Variants in DGKB observed in about 807,000 individuals in gnomAD.
DGKB encodes 90 kDa diacylglycerol kinase.
A neutral mutation model predicts 114.3 loss-of-function variants in DGKB; 67 were observed. The ratio of observed to expected loss-of-function variants is 0.59; its 90% CI spans 0.48 to 0.72. DGKB has a LOEUF of 0.72. Ranked by LOEUF, DGKB falls within the 30% of genes least tolerant of loss-of-function variation. The probability of loss-of-function intolerance (pLI) is 0.00; values close to 1 mark genes in which losing one functional copy is unlikely to be tolerated. For synonymous variants in DGKB, 398 were observed against 323.1 expected (o/e 1.23, Z -2.49); for missense variants, 907 against 975.2 (o/e 0.93, Z 0.93).
chr7:14,850,026 C>G (rs147152320), intron 1 of DGKB, among the ~76,000 whole-genome samples: 1 of 152,064 alleles, frequency 6.6e-6, no homozygotes. Context: ...CCCCTAAAAA[C>G]AAGTGAAAGA....
chr7:14,248,784 C>T (rs1794818024), intron 23 of DGKB, among the ~76,000 whole-genome samples: 1 of 152,110 alleles, frequency 6.6e-6, no homozygotes, highest in African/African-American at 2.4e-5. Context: ...ATGTCGTCTG[C>T]AAAGATACCA....
Position 14,248,297 on chromosome 7 carries a change from A to G in DGKB, c.2123-70146T>C, listed in dbSNP as rs143015460. 5.3e-5 allele frequency among the ~76,000 whole-genome samples: 8 copies of G among 152,132 alleles called. No individual in the cohort carries two copies. In the South Asian group the frequency reaches 1.4e-3, roughly 28 times the overall value. ...AGTAGTGTGATACATCAATGCCTCA[A>G]TATTCTACTTGTACAAGATTGCTTT... On this transcript the variant is annotated intron_variant, in intron 23 of 25. Coordinates refer to ENST00000402815, the MANE Select transcript of DGKB (RefSeq NM_001350709.2).
chr7:14,683,825 A>G (rs1042579566), intron 10 of DGKB, among the ~76,000 whole-genome samples: 1 of 151,936 alleles, frequency 6.6e-6, no homozygotes, highest in Non-Finnish European at 1.5e-5. Context: ...GGGAGAAAAC[A>G]TGTTTTCTCT....
intron 20 of DGKB, among the ~76,000 whole-genome samples, chr7:14,530,036 A>C (rs2128590015): frequency 6.6e-6 from 1 of 151,822 alleles, no homozygotes; most frequent in South Asian, 2.1e-4. Flanking sequence ...ATCAGGATCG[A>C]TTAATTCATG....
chr7:14,347,902 G>A (rs1241700272), intron 21 of DGKB, among the ~76,000 whole-genome samples: 1 of 151,952 alleles, frequency 6.6e-6, no homozygotes, highest in Non-Finnish European at 1.5e-5. Flanking sequence ...TTAAAAATTT[G>A]TAAATTATAC....
At chr7:14,607,994 A>G (rs17168300) in intron 16 of DGKB, among the ~76,000 whole-genome samples, 4,132 of 152,114 alleles carry the variant, frequency 0.027, 177 homozygotes, top group African/African-American at 0.095. Flanking sequence ...ACATGTAAGC[A>G]AAGAATGTAG....
chr7:14,416,007 T>C (rs1046074060), intron 21 of DGKB, among the ~76,000 whole-genome samples: 1 of 152,180 alleles, frequency 6.6e-6, no homozygotes, highest in Non-Finnish European at 1.5e-5. Context: ...TGATTTGCAT[T>C]TCTCTGATGG....
rs1793948225 is a variant in DGKB at position 14,544,334 on chromosome 7, C to T, written c.1770+29878G>A. On this transcript the variant is annotated intron_variant, in intron 20 of 25. Coordinates refer to ENST00000402815, the MANE Select transcript of DGKB (RefSeq NM_001350709.2). ...GTGAATTTCTCTGACATTTTGTTTG[C>T]AGATTCTTAGTAGAAAAGTAGTGGT... Among the ~76,000 whole-genome samples, 3 of 152,128 alleles carry T rather than the reference C, an allele frequency of 2.0e-5. 1 individual carries two copies. Among genetic ancestry groups the T allele is most frequent in the Admixed American group, 2.0e-4 (3 of 15,266 alleles).
chr7:14,602,517 G>A (rs540417250), intron 17 of DGKB, among the ~76,000 whole-genome samples: 1 of 152,094 alleles, frequency 6.6e-6, no homozygotes, highest in African/African-American at 2.4e-5. Context: ...AGGACTCTAC[G>A]CTTACGAATG....
chr7:14,215,568 C>T (rs185197064), intron 23 of DGKB, among the ~76,000 whole-genome samples: 22 of 152,130 alleles, frequency 1.4e-4, no homozygotes, highest in East Asian at 3.9e-4. Context: ...ATGTTTTACA[C>T]GTTTTATCTC....
chr7:14,941,731 C>T (rs760748146), intron 1 of DGKB, among the ~76,000 whole-genome samples: 1 of 151,870 alleles, frequency 6.6e-6, no homozygotes, highest in Admixed American at 6.6e-5. Context: ...AATAAGATTA[C>T]ACAAAATTTT....
At chr7:14,396,620 C>T (rs926159059) in intron 21 of DGKB, among the ~76,000 whole-genome samples, 4 of 152,128 alleles carry the variant, frequency 2.6e-5, no homozygotes, top group Non-Finnish European at 4.4e-5. Flanking sequence ...TATTCAACAA[C>T]CTTAATGACA....
intron 20 of DGKB, among the ~76,000 whole-genome samples, chr7:14,526,366 C>G (rs554744915): frequency 6.6e-6 from 1 of 152,068 alleles, no homozygotes; most frequent in Non-Finnish European, 1.5e-5. Context: ...TAAAAAATGT[C>G]TCTGAACATT....
At chr7:14,212,760 C>CT (rs200337008) in intron 23 of DGKB, among the ~76,000 whole-genome samples, 1 of 151,886 alleles carries the variant, frequency 6.6e-6, no homozygotes, top group African/African-American at 2.4e-5. Context: ...CACCAAAATA[C>CT]TTTTTTTTCT....
intron 23 of DGKB, among the ~76,000 whole-genome samples, chr7:14,317,086 C>T (rs954853537): frequency 8.7e-5 from 6 of 68,748 alleles, no homozygotes; most frequent in African/African-American, 4.3e-4. Flanking sequence ...ATTCAACAAC[C>T]CTTCATGCTA....
intron 21 of DGKB, among the ~76,000 whole-genome samples, chr7:14,422,638 T>G (rs1826891560): frequency 6.6e-6 from 1 of 152,048 alleles, no homozygotes; most frequent in Non-Finnish European, 1.5e-5. Flanking sequence ...TCTATTTCTC[T>G]CATAGGTTTT....
At chr7:14,242,956 C>T (rs1793906476) in intron 23 of DGKB, among the ~76,000 whole-genome samples, 1 of 150,230 alleles carries the variant, frequency 6.7e-6, no homozygotes, top group Non-Finnish European at 1.5e-5. Context: ...AAATAGGAAG[C>T]ATATGCACAT....
chr7:14,325,602 A>G (rs1218899547), intron 23 of DGKB, among the ~76,000 whole-genome samples: 3 of 152,208 alleles, frequency 2.0e-5, no homozygotes, highest in Non-Finnish European at 4.4e-5. Flanking sequence ...AACATCATCA[A>G]TCAAAGCTGG....
chr7:14,798,440 C>G (rs564134759), intron 2 of DGKB, among the ~76,000 whole-genome samples: 4 of 132,012 alleles, frequency 3.0e-5, no homozygotes, highest in African/African-American at 1.4e-4. Context: ...ATAAAAGTGT[C>G]CACCACCTGG....
Sources: allele counts gnomAD v4.1 joint callset (sites outside exome capture counted in the v4.1 genomes callset), GRCh38; gene constraint gnomAD v4.1.1; transcripts MANE v1.5; gene names NCBI Gene and HGNC (gene_info 2026-07-23, HGNC 2026-07-21).